Variants in ASH1L observed in about 807,000 individuals in gnomAD.
ASH1L encodes the protein ASH1 like histone lysine methyltransferase, also known as histone-lysine N-methyltransferase ASH1L.
A neutral mutation model predicts 269.0 loss-of-function variants in ASH1L; 23 were observed. That is an observed-to-expected ratio of 0.09 (90% confidence interval 0.06 to 0.12). The LOEUF (loss-of-function observed/expected upper bound fraction) is 0.12, where lower values mean the gene tolerates loss of function less well. ASH1L is among the 10% of genes least tolerant of loss of function. The pLI is 1.00. For synonymous variants in ASH1L, 1,187 were observed against 1,253.5 expected (o/e 0.95, Z 1.12); for missense variants, 2,912 against 3,567.8 (o/e 0.82, Z 4.68).
At chr1:155,430,453 ATTTCT>A (rs1167407610) in intron 5 of ASH1L, among the ~76,000 whole-genome samples, 11 of 152,218 alleles carry the variant, frequency 7.2e-5, no homozygotes, top group East Asian at 1.9e-4. Flanking sequence ...TGCTCAGGTA[ATTTCT>A]TTTGAGTATG....
chr1:155,471,954 T>G (rs1440433315), intron 3 of ASH1L, among the ~76,000 whole-genome samples: 1 of 152,172 alleles, frequency 6.6e-6, no homozygotes, highest in Non-Finnish European at 1.5e-5. Flanking sequence ...GTCAGAGCAG[T>G]GACTTCAGAG....
chr1:155,402,363 A>G (rs1272942618), intron 6 of ASH1L, among the ~76,000 whole-genome samples: 1 of 152,164 alleles, frequency 6.6e-6, no homozygotes, highest in African/African-American at 2.4e-5. Context: ...ATTTTACTGC[A>G]CAACTTAAAA....
intron 4 of ASH1L, among the ~76,000 whole-genome samples, chr1:155,441,454 CTTTTTTTTTTTTTTTT>C (rs34682576): frequency 1.4e-5 from 1 of 73,538 alleles, no homozygotes; most frequent in African/African-American, 4.9e-5. Flanking sequence ...ATAAAGAATC[CTTTTTTTTTTTTTTTT>C]TTTTTTTTTT....
intron 16 of ASH1L, among the ~76,000 whole-genome samples, chr1:155,353,272 G>C (rs1654087452): frequency 6.6e-6 from 1 of 152,208 alleles, no homozygotes; most frequent in Non-Finnish European, 1.5e-5. Flanking sequence ...ATGAGATAAT[G>C]CTTTTAATGT....
At chr1:155,414,165 A>G (rs965204228) in intron 6 of ASH1L, among the ~76,000 whole-genome samples, 22 of 152,160 alleles carry the variant, frequency 1.4e-4, no homozygotes, top group African/African-American at 4.1e-4. Context: ...TTTTTGACAG[A>G]AACTGTGAGG....
At chr1:155,401,098 T>A (rs1401641319) in intron 6 of ASH1L, among the ~76,000 whole-genome samples, 1 of 151,440 alleles carries the variant, frequency 6.6e-6, no homozygotes, top group Admixed American at 6.6e-5. Context: ...GAGGTGGAGG[T>A]TGCAGTGAGC....
chr1:155,428,128 T>C (rs1205272496), intron 5 of ASH1L, among the ~76,000 whole-genome samples: 1 of 152,172 alleles, frequency 6.6e-6, no homozygotes, highest in East Asian at 1.9e-4. Context: ...TTTATAGCAA[T>C]GTGAGAACAA....
intron 1 of ASH1L, among the ~76,000 whole-genome samples, chr1:155,528,523 G>A (rs1669428685): frequency 6.6e-6 from 1 of 151,956 alleles, no homozygotes; most frequent in Non-Finnish European, 1.5e-5. Flanking sequence ...TGCAGGGTGG[G>A]TCAGTGGCAG....
chr1:155,358,790 T>G (rs1420297365), intron 13 of ASH1L: 1 of 151,746 alleles, frequency 6.6e-6, no homozygotes, highest in Non-Finnish European at 1.5e-5. Flanking sequence ...TCATTCCAAT[T>G]TTAGTATATA....
intron 1 of ASH1L, among the ~76,000 whole-genome samples, chr1:155,536,663 T>C (rs766821877): frequency 6.6e-6 from 1 of 151,936 alleles, no homozygotes; most frequent in Non-Finnish European, 1.5e-5. Context: ...AGCCCAGAAG[T>C]TCAAGGCTGC....
intron 5 of ASH1L, chr1:155,434,209 A>G: frequency 1.9e-6 from 3 of 1,597,650 alleles, no homozygotes; most frequent in Non-Finnish European, 2.6e-6. Flanking sequence ...CTGAGGGGGA[A>G]GCCTTTCCCC....
chr1:155,410,032 G>A (rs1659639728), intron 6 of ASH1L, among the ~76,000 whole-genome samples: 1 of 151,894 alleles, frequency 6.6e-6, no homozygotes, highest in Non-Finnish European at 1.5e-5. Context: ...AGGCGTGGTG[G>A]TGGGCACCTG....
At chr1:155,384,965 T>C (rs1295074268) in intron 7 of ASH1L, among the ~76,000 whole-genome samples, 2 of 152,168 alleles carry the variant, frequency 1.3e-5, no homozygotes, top group African/African-American at 4.8e-5. Flanking sequence ...CTATTTTCTA[T>C]GTTGTTGTAT....
intron 1 of ASH1L, among the ~76,000 whole-genome samples, chr1:155,539,035 G>A (rs1369431786): frequency 2.6e-5 from 4 of 152,158 alleles, no homozygotes; most frequent in Non-Finnish European, 4.4e-5. Context: ...CCACTCCTGA[G>A]TCTTATCTGC....
At chr1:155,376,635 T>C (rs1656470463) in intron 10 of ASH1L, among the ~76,000 whole-genome samples, 3 of 151,220 alleles carry the variant, frequency 2.0e-5, no homozygotes, top group Admixed American at 2.0e-4. Flanking sequence ...GCTGAGATCG[T>C]GCCACCGCAC....
At chr1:155,363,613 G>C (rs866054983) in intron 12 of ASH1L, among the ~76,000 whole-genome samples, 2 of 152,076 alleles carry the variant, frequency 1.3e-5, no homozygotes, top group African/African-American at 4.8e-5. Context: ...CCATCTTTGT[G>C]AATAGTTTTA....
intron 10 of ASH1L, among the ~76,000 whole-genome samples, chr1:155,371,677 G>A (rs1332509409): frequency 6.6e-6 from 1 of 151,006 alleles, no homozygotes; most frequent in Non-Finnish European, 1.5e-5. Flanking sequence ...AAAAATTGTG[G>A]TAGAATACCT....
intron 3 of ASH1L, among the ~76,000 whole-genome samples, chr1:155,467,392 T>C (rs2148692637): frequency 6.6e-6 from 1 of 152,326 alleles, no homozygotes; most frequent in East Asian, 1.9e-4. Context: ...TTTACTGTAA[T>C]TTCACTTGCA....
chr1:155,469,101 AAACT>A (rs1469628677), intron 3 of ASH1L, among the ~76,000 whole-genome samples: 1 of 152,186 alleles, frequency 6.6e-6, no homozygotes, highest in African/African-American at 2.4e-5. Context: ...GACACAAGAC[AAACT>A]AACCGCCAAA....
Sources: allele counts gnomAD v4.1 joint callset (sites outside exome capture counted in the v4.1 genomes callset), GRCh38; gene constraint gnomAD v4.1.1; transcripts MANE v1.5; gene names NCBI Gene and HGNC (gene_info 2026-07-23, HGNC 2026-07-21).